The following DPP10 variants were observed in gnomAD, a reference collection of about 807,000 sequenced individuals.
DPP10 encodes dipeptidyl peptidase like 10.
DPP10 carries 33 observed loss-of-function variants against 120.9 expected under a neutral mutation model. That is an observed-to-expected ratio of 0.27 (90% confidence interval 0.21 to 0.37). The LOEUF is 0.37. Among genes scored for constraint, DPP10 ranks in the 10% least tolerant of loss-of-function variants. The pLI, the probability that DPP10 is intolerant of heterozygous loss-of-function variation, is 1.00. For missense variants in DPP10, 816 were observed against 942.8 expected (o/e 0.87, Z 1.76); for synonymous variants, 337 against 326.1 (o/e 1.03, Z -0.36).
chr2:115,472,535 G>A (rs541813389), intron 3 of DPP10, among the ~76,000 whole-genome samples: 2 of 152,022 alleles, frequency 1.3e-5, no homozygotes, highest in Non-Finnish European at 2.9e-5. Flanking sequence ...TAAACTTAAA[G>A]CAGATCTTGA....
intron 3 of DPP10, among the ~76,000 whole-genome samples, chr2:115,403,435 T>A (rs2068264831): frequency 7.8e-6 from 1 of 128,122 alleles, no homozygotes. Flanking sequence ...AGTCTCACTC[T>A]GTTGCCCAGG....
intron 3 of DPP10, among the ~76,000 whole-genome samples, chr2:115,461,572 G>A (rs1182361146): frequency 1.3e-5 from 2 of 152,032 alleles, no homozygotes; most frequent in Non-Finnish European, 2.9e-5. Flanking sequence ...GTGAAGTAAT[G>A]GATGTCTTAA....
At chr2:115,553,153 CT>C (rs1335407336) in intron 5 of DPP10, among the ~76,000 whole-genome samples, 1 of 152,042 alleles carries the variant, frequency 6.6e-6, no homozygotes, top group Non-Finnish European at 1.5e-5. Context: ...TATTCATGTA[CT>C]ATCTAGATAT....
intron 1 of DPP10, among the ~76,000 whole-genome samples, chr2:114,986,999 C>G (rs1222440768): frequency 6.6e-6 from 1 of 152,020 alleles, no homozygotes; most frequent in Non-Finnish European, 1.5e-5. Context: ...AGGCTTGTCT[C>G]GAACTCCTGA....
intron 1 of DPP10, among the ~76,000 whole-genome samples, chr2:115,053,856 A>T (rs1705695901): frequency 6.6e-6 from 1 of 152,186 alleles, no homozygotes; most frequent in South Asian, 2.1e-4. Context: ...GGATATAAGC[A>T]TTTTGAGGAT....
At chr2:115,512,600 A>G (rs1189714240) in intron 4 of DPP10, among the ~76,000 whole-genome samples, 1 of 150,972 alleles carries the variant, frequency 6.6e-6, no homozygotes, top group Non-Finnish European at 1.5e-5. Context: ...TTTCATTTTC[A>G]TTCTTCTCAA....
intron 1 of DPP10, among the ~76,000 whole-genome samples, chr2:114,481,694 C>T (rs1681060037): frequency 1.3e-5 from 2 of 152,040 alleles, no homozygotes; most frequent in African/African-American, 4.8e-5. Flanking sequence ...TAAGCCAACC[C>T]AAAAGGTTAC....
At chr2:114,787,426 C>T (rs1488298081) in intron 1 of DPP10, among the ~76,000 whole-genome samples, 2 of 152,150 alleles carry the variant, frequency 1.3e-5, no homozygotes, top group Admixed American at 6.5e-5. Context: ...CATTGGAAAG[C>T]CCTGGAGAAT....
chr2:114,813,941 A>AACACAC (rs375858356), intron 1 of DPP10, among the ~76,000 whole-genome samples: 2,608 of 139,444 alleles, frequency 0.019, 41 homozygotes, highest in East Asian at 0.047. Context: ...GGCACGCATG[A>AACACAC]ACACACACAC....
intron 2 of DPP10, among the ~76,000 whole-genome samples, chr2:115,320,052 A>T (rs1015282255): frequency 3.9e-5 from 6 of 152,192 alleles, no homozygotes; most frequent in Non-Finnish European, 1.5e-5. Flanking sequence ...ACCATAGCAT[A>T]TAATTTGTAT....
chr2:114,649,066 A>C (rs1316970466), intron 1 of DPP10, among the ~76,000 whole-genome samples: 1 of 152,238 alleles, frequency 6.6e-6, no homozygotes, highest in African/African-American at 2.4e-5. Context: ...GGTAATTTAC[A>C]AAGTTTAAAA....
chr2:115,185,403 G>A (rs2054365775), intron 1 of DPP10, among the ~76,000 whole-genome samples: 1 of 152,214 alleles, frequency 6.6e-6, no homozygotes, highest in East Asian at 1.9e-4. Context: ...TGTATTTAGA[G>A]CATTTCAACA....
intron 1 of DPP10, among the ~76,000 whole-genome samples, chr2:114,919,978 T>C (rs1459454646): frequency 6.6e-6 from 1 of 152,142 alleles, no homozygotes; most frequent in African/African-American, 2.4e-5. Flanking sequence ...GCTTCTTTCA[T>C]AGAAGGGAGA....
chr2:114,579,295 G>T (rs1291851029), intron 1 of DPP10, among the ~76,000 whole-genome samples: 1 of 152,188 alleles, frequency 6.6e-6, no homozygotes, highest in Non-Finnish European at 1.5e-5. Context: ...GAACTGCTCA[G>T]CGCCCACAGC....
rs73946564 is a variant in DPP10 at position 115,546,173 on chromosome 2, A to G, written c.441+20201A>G. ...ATGAGTTCCATTCTCTCCCTTTCCA[A>G]TTGGCCACTAAAACATCTATCAAAG... On this transcript the variant is annotated intron_variant, in intron 5 of 25. Coordinates refer to ENST00000410059, the MANE Select transcript of DPP10 (RefSeq NM_020868.6). Among the ~76,000 whole-genome samples the G allele has an allele frequency of 3.0e-3, 450 of 152,164 alleles. 2 individuals carry two copies. The highest frequency in any genetic ancestry group is 0.011 in the African/African-American group (439 of 41,524).
chr2:114,705,507 T>C (rs1285352263), intron 1 of DPP10, among the ~76,000 whole-genome samples: 2 of 152,138 alleles, frequency 1.3e-5, no homozygotes, highest in African/African-American at 2.4e-5. Context: ...ATAACTCACA[T>C]CTGTCTTAAT....
At chr2:115,633,153 T>A (rs1002661790) in intron 5 of DPP10, among the ~76,000 whole-genome samples, 2 of 152,224 alleles carry the variant, frequency 1.3e-5, no homozygotes, top group African/African-American at 4.8e-5. Flanking sequence ...ATGGCACTAT[T>A]CACAATAGCA....
chr2:114,887,834 C>G (rs982974962), intron 1 of DPP10, among the ~76,000 whole-genome samples: 5 of 152,166 alleles, frequency 3.3e-5, no homozygotes, highest in Admixed American at 2.0e-4. Context: ...ACTCTGTTCT[C>G]TCATCTAGAA....
At chr2:115,069,777 C>A (rs74800846) in intron 1 of DPP10, among the ~76,000 whole-genome samples, 1 of 151,592 alleles carries the variant, frequency 6.6e-6, no homozygotes, top group East Asian at 1.9e-4. Flanking sequence ...CTCTGAGAAT[C>A]TTTCCTTTCT....
Sources: allele counts gnomAD v4.1 joint callset (sites outside exome capture counted in the v4.1 genomes callset), GRCh38; gene constraint gnomAD v4.1.1; transcripts MANE v1.5; gene names NCBI Gene and HGNC (gene_info 2026-07-23, HGNC 2026-07-21).